ABTB2: variants seen among roughly 807,000 people sequenced by gnomAD.
ABTB2 encodes the protein ankyrin repeat and BTB/POZ domain-containing protein 2.
ABTB2 carries 56 observed loss-of-function variants against 104.1 expected under a neutral mutation model. The observed-to-expected ratio is 0.54, with a 90% CI of 0.43 to 0.67. ABTB2 has a LOEUF of 0.67. ABTB2 is among the 30% of genes least tolerant of loss of function. ABTB2 has a pLI of 0.00. For missense variants in ABTB2, 1,279 were observed against 1,407.7 expected (o/e 0.91, Z 1.46); for synonymous variants, 606 against 608.2 (o/e 1.00, Z 0.05).
At chr11:34,177,076 C>T (rs1296363000) in intron 3 of ABTB2, among the ~76,000 whole-genome samples, 4 of 152,118 alleles carry the variant, frequency 2.6e-5, no homozygotes, top group Non-Finnish European at 5.9e-5. Context: ...GAAGTGTAAA[C>T]AAAAAGATAA....
Position 34,164,710 on chromosome 11 carries a change from C to A in ABTB2, c.1964G>T (p.Ser655Ile). The change falls in exon 9 of 17, where the codon AGC (serine) becomes ATC (isoleucine). Residue 655 changes from serine (S) to isoleucine (I), a missense_variant. Coordinates refer to ENST00000435224, the MANE Select transcript of ABTB2 (RefSeq NM_145804.3). Reference sequence around the variant, plus strand: ...CCTGTGGCCGTGGGCAGCTGAGTGGCTGAAGCAGTTCATGTCCTCGTGGAG... The same window carrying A: ...CCTGTGGCCGTGGGCAGCTGAGTGGATGAAGCAGTTCATGTCCTCGTGGAG... Reference protein sequence around the residue: ...SSLHEDMNCFSHSAAHGHRNV... With the variant: ...SSLHEDMNCFIHSAAHGHRNV... The A allele has an allele frequency of 6.5e-7, 1 of 1,535,838 alleles. No homozygotes were observed. Among genetic ancestry groups the A allele is most frequent in the Non-Finnish European group, 8.7e-7 (1 of 1,151,036 alleles).
At chr11:34,295,231 G>T (rs1480785927) in intron 1 of ABTB2, among the ~76,000 whole-genome samples, 2 of 152,120 alleles carry the variant, frequency 1.3e-5, no homozygotes, top group African/African-American at 4.8e-5. Flanking sequence ...CATATTTGTT[G>T]CTGATGAGAA....
At chr11:34,159,522 A>G in intron 13 of ABTB2, 136 bp from the exon 14 acceptor site, 3 of 657,368 alleles carry the variant, frequency 4.6e-6, no homozygotes, top group Non-Finnish European at 8.1e-6. Context: ...TCCTAAAATA[A>G]TTTTCAGCAA....
intron 1 of ABTB2, among the ~76,000 whole-genome samples, chr11:34,343,997 G>C (rs541964185): frequency 6.6e-6 from 1 of 152,000 alleles, no homozygotes; most frequent in African/African-American, 2.4e-5. Context: ...CTGAGCAGCC[G>C]AGGTCAAAGC....
At chr11:34,265,846 G>A (rs1475587503) in intron 1 of ABTB2, among the ~76,000 whole-genome samples, 3 of 151,626 alleles carry the variant, frequency 2.0e-5, no homozygotes, top group Non-Finnish European at 4.4e-5. Flanking sequence ...GCAGGTGCCT[G>A]TAACCCCAGC....
intron 1 of ABTB2, among the ~76,000 whole-genome samples, chr11:34,325,898 C>T (rs1855063663): frequency 6.7e-6 from 1 of 149,972 alleles, no homozygotes; most frequent in African/African-American, 2.5e-5. Flanking sequence ...TTGCAGTAAG[C>T]TGAGATTGCA....
At chr11:34,352,523 C>T (rs563587951) in intron 1 of ABTB2, among the ~76,000 whole-genome samples, 3 of 152,202 alleles carry the variant, frequency 2.0e-5, no homozygotes, top group Non-Finnish European at 4.4e-5. Flanking sequence ...CCTTGTTCAT[C>T]ACTTAGTCCA....
At chr11:34,286,408 T>C (rs1429272390) in intron 1 of ABTB2, among the ~76,000 whole-genome samples, 2 of 152,122 alleles carry the variant, frequency 1.3e-5, no homozygotes, top group Non-Finnish European at 2.9e-5. Flanking sequence ...TTCTCCCGCC[T>C]CAGCCTCCTG....
intron 1 of ABTB2, among the ~76,000 whole-genome samples, chr11:34,217,780 C>T (rs1032229413): frequency 3.9e-5 from 6 of 152,106 alleles, no homozygotes; most frequent in African/African-American, 1.4e-4. Flanking sequence ...TTTTTAACTC[C>T]TTTGGGCAAA....
intron 1 of ABTB2, among the ~76,000 whole-genome samples, chr11:34,208,287 A>G (rs1180609123): frequency 6.6e-6 from 1 of 152,226 alleles, no homozygotes; most frequent in Non-Finnish European, 1.5e-5. Context: ...TTTTCTATTT[A>G]GTAAAATCCT....
intron 1 of ABTB2, among the ~76,000 whole-genome samples, chr11:34,349,670 T>C (rs1302537710): frequency 1.3e-5 from 2 of 152,224 alleles, no homozygotes; most frequent in Non-Finnish European, 2.9e-5. Context: ...TTCAGTCCTA[T>C]CTTATAGAGC....
At chr11:34,338,820 T>C (rs963132708) in intron 1 of ABTB2, among the ~76,000 whole-genome samples, 3 of 152,184 alleles carry the variant, frequency 2.0e-5, no homozygotes, top group Non-Finnish European at 2.9e-5. Flanking sequence ...TACTATTACT[T>C]TTATATAGAG....
At chr11:34,195,223 C>T (rs778302641) in intron 3 of ABTB2, among the ~76,000 whole-genome samples, 10 of 152,350 alleles carry the variant, frequency 6.6e-5, no homozygotes, top group East Asian at 5.8e-4. Flanking sequence ...GTGAATGACC[C>T]GGCCTCAGCC....
chr11:34,357,673 C>T lies in ABTB2; in HGVS notation c.-90G>A, dbSNP rs3740795. ...AAGTGGGCAGAAACAAGCTCTAGGCCCTCCGGGCCACCCTCCTTCCTCTCT... is the reference window on the plus strand; with the variant it reads ...AAGTGGGCAGAAACAAGCTCTAGGCTCTCCGGGCCACCCTCCTTCCTCTCT... On this transcript the variant is annotated 5_prime_UTR_variant, in exon 1 of 17. Coordinates refer to ENST00000435224, the MANE Select transcript of ABTB2 (RefSeq NM_145804.3). 101,966 of 1,304,770 alleles carry T rather than the reference C, an allele frequency of 0.078. 6,753 individuals carry two copies. The highest frequency in any genetic ancestry group is 0.35 in the East Asian group (11,805 of 33,540). 80.8% of individuals were successfully genotyped at this position (1,304,770 alleles called of 1,614,324 possible). A position where few individuals can be genotyped will look rare whatever the true frequency, so the allele number is the denominator to read the frequency against.
chr11:34,166,814 C>T (rs1177981118), intron 7 of ABTB2, among the ~76,000 whole-genome samples: 7 of 152,170 alleles, frequency 4.6e-5, no homozygotes, highest in Non-Finnish European at 4.4e-5. Flanking sequence ...CATGCCAATC[C>T]GAAACCTCTC....
chr11:34,187,342 C>T (rs903670369), intron 3 of ABTB2, among the ~76,000 whole-genome samples: 1 of 152,184 alleles, frequency 6.6e-6, no homozygotes, highest in African/African-American at 2.4e-5. Context: ...TAGTTGGCTT[C>T]GTCTTTGATC....
chr11:34,242,176 A>G (rs1853926904), intron 1 of ABTB2, among the ~76,000 whole-genome samples: 1 of 152,206 alleles, frequency 6.6e-6, no homozygotes, highest in Non-Finnish European at 1.5e-5. Context: ...AGATTCGGTC[A>G]TGCTTGTGAT....
Position 34,198,462 on chromosome 11 carries a change from A to AC in ABTB2, c.1031-925_1031-924insG, listed in dbSNP as rs1565138701. On this transcript the variant is annotated intron_variant, in intron 2 of 16. Coordinates refer to ENST00000435224, the MANE Select transcript of ABTB2 (RefSeq NM_145804.3). ...CAAACAAACAACAACAACAAAAAAA[A>AC]ACAAAAACTTGAGGCTTATCTGATA... Among the ~76,000 whole-genome samples the AC allele has an allele frequency of 6.2e-3, 946 of 151,606 alleles. 11 individuals carry two copies. The highest frequency in any genetic ancestry group is 0.021 in the African/African-American group (885 of 41,188).
At chr11:34,340,418 G>A (rs1467988022) in intron 1 of ABTB2, among the ~76,000 whole-genome samples, 4 of 152,110 alleles carry the variant, frequency 2.6e-5, no homozygotes, top group South Asian at 2.1e-4. Context: ...TAGTATAATC[G>A]CCATTTCGCA....
Sources: allele counts gnomAD v4.1 joint callset (sites outside exome capture counted in the v4.1 genomes callset), GRCh38; gene constraint gnomAD v4.1.1; transcripts MANE v1.5; gene names NCBI Gene and HGNC (gene_info 2026-07-23, HGNC 2026-07-21).